Variants in NFIB observed in about 807,000 individuals in gnomAD.
NFIB encodes the protein nuclear factor I B, also known as nuclear factor 1 B-type.
A neutral mutation model predicts 61.5 loss-of-function variants in NFIB; 11 were observed. The observed-to-expected ratio is 0.18, with a 90% confidence interval of 0.11 to 0.30. The LOEUF (loss-of-function observed/expected upper bound fraction) is 0.30, where lower values mean the gene tolerates loss of function less well. Among genes scored for constraint, NFIB ranks in the 10% least tolerant of loss-of-function variants. The pLI is 1.00. For synonymous variants in NFIB, 260 were observed against 216.5 expected, an observed-to-expected ratio of 1.20 and a Z score of -1.76; for missense variants, 471 against 608.9, an observed-to-expected ratio of 0.77 and a Z score of 2.38.
the NFIB span, among the ~76,000 whole-genome samples, chr9:14,425,553 T>C: frequency 0.027 from 4,100 of 151,976 alleles, 183 homozygotes; most frequent in African/African-American, 0.094. Flanking sequence ...AGAAACTATA[T>C]TTTCTCTGCA....
At chr9:14,357,849 G>T (rs561633692) in intron 1 of NFIB, 1 of 152,298 alleles carries the variant, frequency 6.6e-6, no homozygotes, top group South Asian at 2.1e-4. Context: ...AACAAGGATG[G>T]ACCTTAAAAT....
chr9:14,427,209 A>C, the NFIB span, among the ~76,000 whole-genome samples: 1 of 152,218 alleles, frequency 6.6e-6, no homozygotes, highest in Non-Finnish European at 1.5e-5. Flanking sequence ...CAAAGATAAT[A>C]CATTGTTCAT....
Position 14,120,348 on chromosome 9 carries a change from CCAGA to C in NFIB, c.1245+88_1245+91del, listed in dbSNP as rs1405599697. ...ATGGATTTCAAGGCTTGACGTTCTG[CCAGA>C]CACACTGTCTGACTAACCTTTGTGT... is the stretch of plus-strand genomic sequence containing the variant. On this transcript the variant is annotated intron_variant, in intron 8 of 10. Coordinates refer to ENST00000380953, the MANE Select transcript of NFIB (RefSeq NM_001190737.2). This position sits in a 1 kb window ranked among gnomAD's most constrained non-coding sequence, Gnocchi z 4.4. 1.2e-5 allele frequency: 16 copies of C among 1,341,114 alleles called. No homozygotes were observed. The highest frequency in any genetic ancestry group is 2.4e-4 in the Middle Eastern group (1 of 4,086). The allele number at this position is 1,341,114 out of a possible 1,614,324, so 83.1% of individuals were successfully genotyped here.
intron 2 of NFIB, among the ~76,000 whole-genome samples, chr9:14,235,299 T>G (rs2053631912): frequency 6.6e-6 from 1 of 152,214 alleles, no homozygotes; most frequent in Non-Finnish European, 1.5e-5. Flanking sequence ...TAGAGGAGAA[T>G]GCCTTTTGTG....
chr9:14,437,753 G>A, the NFIB span, among the ~76,000 whole-genome samples: 1 of 152,280 alleles, frequency 6.6e-6, no homozygotes, highest in African/African-American at 2.4e-5. Context: ...TTTTTTCCCA[G>A]GCCAAGCTCT....
At chr9:14,409,405 G>A in the NFIB span, among the ~76,000 whole-genome samples, 1 of 152,156 alleles carries the variant, frequency 6.6e-6, no homozygotes. Context: ...GAGCAGGGGA[G>A]GGTTCACAAA....
chr9:14,151,045 G>T (rs1321295877), intron 4 of NFIB, among the ~76,000 whole-genome samples: 1 of 152,098 alleles, frequency 6.6e-6, no homozygotes, highest in African/African-American at 2.4e-5. Flanking sequence ...GAGATAAATA[G>T]CCTTTTAGTT....
chr9:14,169,038 C>T (rs991850870), intron 3 of NFIB, among the ~76,000 whole-genome samples: 4 of 152,158 alleles, frequency 2.6e-5, no homozygotes, highest in Non-Finnish European at 5.9e-5. Flanking sequence ...TTCTATCTTA[C>T]TTATTTAGAA....
Position 14,313,904 on chromosome 9 carries a change from T to A in NFIB, c.-393A>T. The A allele has an allele frequency of 2.0e-6, 2 of 1,006,094 alleles. No individual in the cohort carries two copies. The highest frequency in any genetic ancestry group is 2.4e-6 in the Non-Finnish European group (2 of 848,360). The allele number at this position is 1,006,094 out of a possible 1,614,324, so 62.3% of individuals were successfully genotyped here. A position where few individuals can be genotyped will look rare whatever the true frequency, so the allele number is the denominator to read the frequency against. ...GCGCGAAGGTTCGGTGTGGGTTGGA[T>A]TGGGGTGGTGGTTGGTGGTAAAATG... On this transcript the variant is annotated 5_prime_UTR_variant, in exon 1 of 11. Coordinates refer to ENST00000380953, the MANE Select transcript of NFIB (RefSeq NM_001190737.2). The surrounding 1 kb of genome is among the most constrained non-coding windows in gnomAD (Gnocchi z 4.5).
chr9:14,480,043 GTTTTGTT>G, the NFIB span, among the ~76,000 whole-genome samples: 3 of 151,746 alleles, frequency 2.0e-5, no homozygotes, highest in African/African-American at 7.3e-5. Context: ...TTTTTGTTTT[GTTTTGTT>G]TTTTGTTTTT....
chr9:14,438,228 A>T, the NFIB span, among the ~76,000 whole-genome samples: 1 of 152,120 alleles, frequency 6.6e-6, no homozygotes. Context: ...TTTTAGGGGG[A>T]AAATAAGATA....
At chr9:14,211,844 A>G (rs10961426) in intron 2 of NFIB, among the ~76,000 whole-genome samples, 25,608 of 152,272 alleles carry the variant, frequency 0.17, 2,466 homozygotes, top group South Asian at 0.34. Context: ...TGTACTTTCA[A>G]TAAAGGAGGT....
At chr9:14,499,869 G>A in the NFIB span, among the ~76,000 whole-genome samples, 1 of 152,154 alleles carries the variant, frequency 6.6e-6, no homozygotes, top group African/African-American at 2.4e-5. Context: ...AGACTCCTAG[G>A]CTGAAGGCAG....
At chr9:14,399,142 T>G (rs142978573), upstream of NFIB, among the ~76,000 whole-genome samples, 5 of 152,336 alleles carry the variant, frequency 3.3e-5, no homozygotes, top group African/African-American at 9.6e-5. Flanking sequence ...ATTGATCACA[T>G]GTTAAAATAA....
chr9:14,114,506 G>T (rs1312945402), intron 9 of NFIB, among the ~76,000 whole-genome samples: 4 of 152,128 alleles, frequency 2.6e-5, no homozygotes. Flanking sequence ...CTTGTTTATA[G>T]GAAAGAAAAA....
chr9:14,229,043 A>G (rs2052794023), intron 2 of NFIB, among the ~76,000 whole-genome samples: 1 of 151,318 alleles, frequency 6.6e-6, no homozygotes, highest in South Asian at 2.1e-4. Context: ...AAAAAAAAAC[A>G]GTAGTAGAGA....
At chr9:14,403,208 G>A (rs1037304677), upstream of NFIB, among the ~76,000 whole-genome samples, 10 of 152,146 alleles carry the variant, frequency 6.6e-5, no homozygotes, top group Admixed American at 2.0e-4. Context: ...GAGCATCTAC[G>A]GCTATGAAAC....
chr9:14,156,647 T>C (rs932000576), intron 3 of NFIB, among the ~76,000 whole-genome samples: 3 of 152,138 alleles, frequency 2.0e-5, no homozygotes, highest in Non-Finnish European at 4.4e-5. Flanking sequence ...GGAGCCTGCT[T>C]GCTAGCTGGT....
intron 1 of NFIB, among the ~76,000 whole-genome samples, chr9:14,388,465 A>G (rs897094118): frequency 4.7e-5 from 7 of 147,376 alleles, no homozygotes; most frequent in African/African-American, 1.5e-4. Context: ...GAGAGAAAGA[A>G]AAAGAGAGAG....
Sources: allele counts gnomAD v4.1 joint callset (sites outside exome capture counted in the v4.1 genomes callset), GRCh38; gene constraint gnomAD v4.1.1; non-coding constraint Gnocchi (gnomAD v3.1); transcripts MANE v1.5; gene names NCBI Gene and HGNC (gene_info 2026-07-23, HGNC 2026-07-21).